The following EXOC6 variants were observed in gnomAD, a reference collection of about 807,000 sequenced individuals.
EXOC6 encodes the protein SEC15-like 1.
A neutral mutation model predicts 112.5 loss-of-function variants in EXOC6; 60 were observed. That is an observed-to-expected ratio of 0.53 (90% confidence interval 0.43 to 0.66). EXOC6 has a LOEUF of 0.66. Among genes scored for constraint, EXOC6 ranks in the 30% least tolerant of loss-of-function variants. EXOC6 has a pLI of 0.00. For synonymous variants in EXOC6, 295 were observed against 308.0 expected, an observed-to-expected ratio of 0.96 and a Z score of 0.44; for missense variants, 855 against 957.1, an observed-to-expected ratio of 0.89 and a Z score of 1.41.
In EXOC6 at chr10:93,019,686, C is replaced by T. The variant is rs972717773; in HGVS notation, c.2169+5419C>T. ...AACAAAAAAACAAAAAAGAGACTGG[C>T]CCTGTACCCTATCCACACAGTTCCC... is the stretch of plus-strand genomic sequence containing the variant. On this transcript the variant is annotated intron_variant, in intron 20 of 21. Transcript: ENST00000260762. 2.0e-5 allele frequency among the ~76,000 whole-genome samples: 3 copies of T among 152,232 alleles called. No homozygotes were observed. In the South Asian group the frequency reaches 6.2e-4, roughly 32 times the overall value.
chr10:92,853,540 A>T (rs536449985), intron 1 of EXOC6, among the ~76,000 whole-genome samples: 2 of 152,362 alleles, frequency 1.3e-5, no homozygotes, highest in South Asian at 2.1e-4. Flanking sequence ...TAGCATCAAG[A>T]TAAACAAATA....
intron 6 of EXOC6, among the ~76,000 whole-genome samples, chr10:92,912,743 G>A (rs1366582294): frequency 2.0e-5 from 3 of 152,166 alleles, no homozygotes; most frequent in Non-Finnish European, 2.9e-5. Context: ...GAAACAGGAC[G>A]TGAAGGTAGA....
intron 20 of EXOC6, among the ~76,000 whole-genome samples, chr10:93,023,822 G>A (rs1844893783): frequency 6.6e-6 from 1 of 152,106 alleles, no homozygotes; most frequent in Admixed American, 6.5e-5. Flanking sequence ...ATAATATGCA[G>A]TATTCAGTGA....
intron 9 of EXOC6, among the ~76,000 whole-genome samples, chr10:92,931,909 A>G (rs540160178): frequency 2.0e-5 from 3 of 152,252 alleles, no homozygotes; most frequent in African/African-American, 4.8e-5. Context: ...AAACTCTTCT[A>G]TGACCTAGCA....
intron 12 of EXOC6, among the ~76,000 whole-genome samples, chr10:92,938,499 C>T (rs1057402712): frequency 6.6e-6 from 1 of 152,010 alleles, no homozygotes; most frequent in Non-Finnish European, 1.5e-5. Context: ...CCCTTGCCAC[C>T]CTAAGGAAAT....
chr10:92,927,989 A>G lies in EXOC6; in HGVS notation c.889-350A>G, dbSNP rs548368581. Among the ~76,000 whole-genome samples the G allele has an allele frequency of 2.0e-5, 3 of 152,328 alleles. No individual in the cohort carries two copies. In the South Asian group the frequency reaches 6.2e-4, roughly 32 times the overall value. ...GCTCATGTTACACATAGGGCCTTGTATAACATGCTCAGAAGTTTAGGCTTT... is the reference window on the plus strand; with the variant it reads ...GCTCATGTTACACATAGGGCCTTGTGTAACATGCTCAGAAGTTTAGGCTTT... On this transcript the variant is annotated intron_variant, in intron 8 of 21. Transcript: ENST00000260762.
chr10:93,016,103 A>G (rs1317445112), intron 20 of EXOC6, among the ~76,000 whole-genome samples: 2 of 152,158 alleles, frequency 1.3e-5, no homozygotes, highest in African/African-American at 2.4e-5. Context: ...GTAAATGACT[A>G]TTATTTTACA....
chr10:92,938,309 T>C (rs1218971653), intron 12 of EXOC6, among the ~76,000 whole-genome samples: 1 of 152,152 alleles, frequency 6.6e-6, no homozygotes, highest in Non-Finnish European at 1.5e-5. Flanking sequence ...TTCCTACTTT[T>C]TCAGTTTCTA....
At position 92,934,439 on chromosome 10, in the gene EXOC6, G is replaced by C. The variant is rs762473314; in HGVS notation, c.1140+9G>C. 12 of 1,538,038 alleles carry C rather than the reference G, an allele frequency of 7.8e-6. No homozygotes were observed. The African/African-American group carries it at 1.1e-4, about 15-fold the overall frequency. ...TCCTTAGAGCTCATTCAGTAAGTCA[G>C]ACAATTTACATTACTAAAATTTTAA... On this transcript the variant is annotated intron_variant, in intron 11 of 21. Transcript: ENST00000260762.
chr10:92,921,537 C>A (rs180891729), intron 8 of EXOC6, among the ~76,000 whole-genome samples: 21 of 152,158 alleles, frequency 1.4e-4, no homozygotes, highest in Admixed American at 1.4e-3. Flanking sequence ...TGTGAGCCAC[C>A]TAGCCCAGCC....
At chr10:92,955,388 G>GTATATATA in intron 16 of EXOC6, among the ~76,000 whole-genome samples, 192 bp from the exon 17 acceptor site, 2 of 147,672 alleles carry the variant, frequency 1.4e-5, no homozygotes, top group South Asian at 4.3e-4. Flanking sequence ...GTGTGTGTGT[G>GTATATATA]TATATATATA....
chr10:92,849,374 C>T (rs916188931), intron 1 of EXOC6, among the ~76,000 whole-genome samples: 1 of 152,160 alleles, frequency 6.6e-6, no homozygotes, highest in Admixed American at 6.5e-5. Context: ...AATCGAGTTC[C>T]TCCCCATTCA....
chr10:92,977,015 T>C (rs1423867583), intron 18 of EXOC6, among the ~76,000 whole-genome samples: 2 of 152,034 alleles, frequency 1.3e-5, no homozygotes, highest in Non-Finnish European at 2.9e-5. Flanking sequence ...TACAAAAAAA[T>C]AGGAAGAAAT....
At chr10:92,950,223 A>G (rs1480528953) in intron 14 of EXOC6, among the ~76,000 whole-genome samples, 1 of 152,180 alleles carries the variant, frequency 6.6e-6, no homozygotes, top group Admixed American at 6.5e-5. Flanking sequence ...TTGTGTGTGT[A>G]TATTTTTTCC....
intron 17 of EXOC6, among the ~76,000 whole-genome samples, chr10:92,959,997 T>C (rs1048754370): frequency 5.3e-5 from 8 of 152,316 alleles, no homozygotes; most frequent in African/African-American, 1.9e-4. Flanking sequence ...GATGCAGCAA[T>C]TGTGCTTCTT....
At chr10:92,931,714 A>G (rs931923936) in intron 9 of EXOC6, among the ~76,000 whole-genome samples, 1 of 152,000 alleles carries the variant, frequency 6.6e-6, no homozygotes, top group African/African-American at 2.4e-5. Context: ...TCGTCAGGGA[A>G]ATGCAAATTA....
intron 13 of EXOC6, among the ~76,000 whole-genome samples, chr10:92,941,385 C>T (rs767254001): frequency 2.0e-5 from 3 of 152,126 alleles, no homozygotes; most frequent in Admixed American, 6.5e-5. Context: ...CTGCTGTGAA[C>T]GTGAGTACAG....
chr10:92,887,883 C>T (rs1014188877), intron 1 of EXOC6, among the ~76,000 whole-genome samples: 15 of 152,052 alleles, frequency 9.9e-5, no homozygotes, highest in Non-Finnish European at 1.8e-4. Flanking sequence ...GCAATTTATT[C>T]CTGTGGTTTG....
upstream of EXOC6, among the ~76,000 whole-genome samples, chr10:92,831,545 T>TGG (rs1846482681): frequency 6.6e-6 from 1 of 152,164 alleles, no homozygotes; most frequent in Admixed American, 6.5e-5. Context: ...GCAATTCTCC[T>TGG]GCCTCAGCCT....
Sources: allele counts gnomAD v4.1 joint callset (sites outside exome capture counted in the v4.1 genomes callset), GRCh38; gene constraint gnomAD v4.1.1; transcripts MANE v1.5; gene names NCBI Gene and HGNC (gene_info 2026-07-23, HGNC 2026-07-21).